SNTG2: variants seen among roughly 807,000 people sequenced by gnomAD.
The protein encoded by SNTG2 is syntrophin gamma 2.
Under a neutral mutation model 70.9 loss-of-function variants are expected in SNTG2, and 74 were observed. The observed-to-expected ratio is 1.04, with a 90% CI of 0.86 to 1.27. The LOEUF is 1.27. SNTG2 is among the 50% of genes most tolerant of loss of function. SNTG2 has a pLI of 0.00. For missense variants in SNTG2, 717 were observed against 690.7 expected, an observed-to-expected ratio of 1.04 and a Z score of -0.43; for synonymous variants, 278 against 273.8, an observed-to-expected ratio of 1.02 and a Z score of -0.15.
chr2:1,289,347 G>A (rs142825060), intron 14 of SNTG2, among the ~76,000 whole-genome samples: 134 of 151,984 alleles, frequency 8.8e-4, no homozygotes, highest in African/African-American at 2.9e-3. Flanking sequence ...TGGGTGCTGC[G>A]TGCACTCAGC....
At position 1,367,320 on chromosome 2, in the gene SNTG2, CT is replaced by C. The variant is rs1335725407; in HGVS notation, c.1489-21del. 3 of 1,520,442 alleles carry C rather than the reference CT, an allele frequency of 2.0e-6. No individual in the cohort carries two copies. The African/African-American group carries it at 4.2e-5, about 21-fold the overall frequency. 94.2% of individuals were successfully genotyped at this position (1,520,442 alleles called of 1,614,324 possible). A position where few individuals can be genotyped will look rare whatever the true frequency, so the allele number is the denominator to read the frequency against. On this transcript the variant is annotated intron_variant, in intron 16 of 16. Transcript: ENST00000308624. ...GTTCTTCCAACAATTATAATAAACA[CT>C]TGATCTGATTTTCTCCTCCAGGAAC...
At chr2:1,032,602 A>T (rs749115775) in intron 1 of SNTG2, among the ~76,000 whole-genome samples, 1 of 152,242 alleles carries the variant, frequency 6.6e-6, no homozygotes, top group Non-Finnish European at 1.5e-5. Flanking sequence ...AATAAGAATC[A>T]TGCCAAGAAT....
chr2:1,232,362 T>C (rs1676311776), intron 9 of SNTG2, among the ~76,000 whole-genome samples: 1 of 152,102 alleles, frequency 6.6e-6, no homozygotes, highest in South Asian at 2.1e-4. Context: ...TGCAGTGATA[T>C]GATCTCGGCT....
In SNTG2 at chr2:1,239,761, C is replaced by T; in HGVS notation, c.873C>T (p.Cys291=). 2 of 1,613,550 alleles carry T rather than the reference C, an allele frequency of 1.2e-6. No individual in the cohort carries two copies. Among genetic ancestry groups the T allele is most frequent in the Non-Finnish European group, 1.7e-6 (2 of 1,179,788 alleles). Residue 291 remains cysteine, a synonymous_variant, in exon 11 of 17, where the codon TGC becomes TGT. Transcript: ENST00000308624. ...LQNMKMANKC[C]SPSDQVVHMG... ...AGATGAAGATGGCGAACAAATGCTG[C>T]TCTCCTTCCGACCAGGTAGGGTTTG...
intron 8 of SNTG2, among the ~76,000 whole-genome samples, chr2:1,182,373 A>G (rs1209905401): frequency 6.6e-6 from 1 of 151,654 alleles, no homozygotes; most frequent in Non-Finnish European, 1.5e-5. Flanking sequence ...AAAAAAAAAA[A>G]AAAAAACTAA....
At chr2:1,361,837 G>T (rs10200213) in intron 16 of SNTG2, among the ~76,000 whole-genome samples, 20 of 55,266 alleles carry the variant, frequency 3.6e-4, no homozygotes, top group Non-Finnish European at 5.3e-4. Flanking sequence ...TGAAAGTCAC[G>T]GATGCTGAGC....
intron 14 of SNTG2, among the ~76,000 whole-genome samples, chr2:1,301,667 C>T (rs1333792053): frequency 6.6e-6 from 1 of 151,958 alleles, no homozygotes; most frequent in Admixed American, 6.6e-5. Flanking sequence ...ACTACAGAGG[C>T]CAGAAGGGAG....
intron 1 of SNTG2, among the ~76,000 whole-genome samples, chr2:962,300 GGT>G (rs1491061738): frequency 1.3e-5 from 1 of 77,614 alleles, no homozygotes; most frequent in Non-Finnish European, 3.3e-5. Flanking sequence ...TTGAACTCCT[GGT>G]CTTAAGCGAC....
At chr2:1,085,199 A>C (rs2148177244) in intron 2 of SNTG2, among the ~76,000 whole-genome samples, 1 of 152,354 alleles carries the variant, frequency 6.6e-6, no homozygotes, top group Admixed American at 6.5e-5. Context: ...CAAAGAAAAA[A>C]ATCAAGGAAG....
intron 15 of SNTG2, among the ~76,000 whole-genome samples, chr2:1,315,366 G>A (rs1195681769): frequency 6.6e-6 from 1 of 152,146 alleles, no homozygotes. Flanking sequence ...AAATGTTCTT[G>A]AAACTTCTTC....
At chr2:1,194,949 C>T (rs535220261) in intron 8 of SNTG2, among the ~76,000 whole-genome samples, 13 of 152,244 alleles carry the variant, frequency 8.5e-5, no homozygotes. Context: ...CATTGTTCAA[C>T]TCCCACTTGT....
chr2:1,142,308 G>C (rs1378109660), intron 6 of SNTG2, among the ~76,000 whole-genome samples: 1 of 152,148 alleles, frequency 6.6e-6, no homozygotes, highest in Non-Finnish European at 1.5e-5. Flanking sequence ...ACCCATGAAG[G>C]GAACCAACGC....
At chr2:1,077,548 G>A (rs890751384) in intron 1 of SNTG2, among the ~76,000 whole-genome samples, 1 of 152,076 alleles carries the variant, frequency 6.6e-6, no homozygotes, top group East Asian at 1.9e-4. Context: ...CATGAACCCC[G>A]GGTCTGCGGC....
At chr2:1,287,249 G>C (rs1679801538) in intron 14 of SNTG2, among the ~76,000 whole-genome samples, 1 of 152,170 alleles carries the variant, frequency 6.6e-6, no homozygotes, top group Non-Finnish European at 1.5e-5. Context: ...GAAAACTTTT[G>C]AACAATTTAA....
intron 9 of SNTG2, among the ~76,000 whole-genome samples, chr2:1,213,663 G>T (rs1020637970): frequency 6.6e-6 from 1 of 152,176 alleles, no homozygotes; most frequent in African/African-American, 2.4e-5. Flanking sequence ...CTCAGCCTGG[G>T]ACCATTTGGA....
intron 4 of SNTG2, among the ~76,000 whole-genome samples, chr2:1,103,645 C>T (rs112034318): frequency 3.3e-4 from 51 of 152,314 alleles, no homozygotes; most frequent in African/African-American, 1.1e-3. Flanking sequence ...CCTTTGGCCT[C>T]CCAAAGTACT....
rs926175542 is a variant in SNTG2 at position 1,144,368 on chromosome 2, T to C, written c.411+6559T>C. Among the ~76,000 whole-genome samples the C allele has an allele frequency of 3.4e-4, 52 of 152,286 alleles. 2 individuals are homozygous for C. The highest frequency in any genetic ancestry group is 1.2e-3 in the African/African-American group (51 of 41,560). On this transcript the variant is annotated intron_variant, in intron 6 of 16. Transcript: ENST00000308624. ...AGCATCATCAATCCACTGCATATAA[T>C]GGACATCTACAGACTACTTCACCCG...
chr2:1,251,249 C>T (rs540374632), intron 12 of SNTG2, among the ~76,000 whole-genome samples: 6 of 152,308 alleles, frequency 3.9e-5, no homozygotes, highest in African/African-American at 1.4e-4. Flanking sequence ...GACAGTTTAG[C>T]TGCCCAGATC....
intron 8 of SNTG2, among the ~76,000 whole-genome samples, chr2:1,183,946 G>A (rs1468529416): frequency 6.6e-6 from 1 of 152,106 alleles, no homozygotes; most frequent in Admixed American, 6.6e-5. Context: ...TATCTGTTAG[G>A]AAGGGCTGTC....
Sources: allele counts gnomAD v4.1 joint callset (sites outside exome capture counted in the v4.1 genomes callset), GRCh38; gene constraint gnomAD v4.1.1; transcripts MANE v1.5; gene names NCBI Gene and HGNC (gene_info 2026-07-23, HGNC 2026-07-21).